The following DDX31 variants were observed in gnomAD, a reference collection of about 807,000 sequenced individuals.
DDX31 encodes the protein DEAD-box helicase 31.
DDX31 carries 70 observed loss-of-function variants against 91.3 expected under a neutral mutation model. That is an observed-to-expected ratio of 0.77 (90% CI 0.63 to 0.94). The LOEUF is 0.94. Among genes scored for constraint, DDX31 ranks in the 40% least tolerant of loss-of-function variants. The probability of loss-of-function intolerance (pLI) is 0.00; values close to 1 mark genes in which losing one functional copy is unlikely to be tolerated. For missense variants in DDX31, 902 were observed against 925.0 expected, an observed-to-expected ratio of 0.98 and a Z score of 0.32; for synonymous variants, 362 against 350.6, an observed-to-expected ratio of 1.03 and a Z score of -0.36.
chr9:132,657,495 C>T, intron 6 of DDX31, among the ~76,000 whole-genome samples: 1 of 152,036 alleles, frequency 6.6e-6, no homozygotes, highest in Admixed American at 6.6e-5. Flanking sequence ...AAGAATTCTA[C>T]CTTCTCCCTC....
chr9:132,633,045 G>A (rs969125771), intron 14 of DDX31, among the ~76,000 whole-genome samples: 2 of 152,168 alleles, frequency 1.3e-5, no homozygotes, highest in African/African-American at 4.8e-5. Flanking sequence ...ACACTGCGCT[G>A]AGACCTTTAC....
chr9:132,641,184 A>C (rs989973934), intron 14 of DDX31, among the ~76,000 whole-genome samples: 2 of 152,242 alleles, frequency 1.3e-5, no homozygotes, highest in African/African-American at 2.4e-5. Flanking sequence ...ATGGAATACA[A>C]GTTCCTTAAA....
At chr9:132,622,937 C>T (rs1832134104) in intron 17 of DDX31, among the ~76,000 whole-genome samples, 2 of 151,696 alleles carry the variant, frequency 1.3e-5, no homozygotes, top group South Asian at 4.2e-4. Context: ...TTGAGGCCAG[C>T]CTGGCCAAGA....
At chr9:132,630,808 G>A (rs1450016592) in intron 15 of DDX31, among the ~76,000 whole-genome samples, 1 of 152,224 alleles carries the variant, frequency 6.6e-6, no homozygotes, top group African/African-American at 2.4e-5. Flanking sequence ...GGTAGACAAG[G>A]CCACAGGGTG....
chr9:132,665,051 G>A (rs1304946364), intron 1 of DDX31, among the ~76,000 whole-genome samples: 2 of 152,060 alleles, frequency 1.3e-5, no homozygotes, highest in Non-Finnish European at 2.9e-5. Context: ...CATAGCATTC[G>A]ACAAAATAAT....
At position 132,594,982 on chromosome 9, in the gene DDX31, G is replaced by C; in HGVS notation, c.2125C>G (p.Arg709Gly). 2 of 1,614,136 alleles carry C rather than the reference G, an allele frequency of 1.2e-6. No individual in the cohort carries two copies. The highest frequency in any genetic ancestry group is 1.7e-6 in the Non-Finnish European group (2 of 1,180,034). ...KQNAPGEPGG[R>G]PLQHSLQPTP... Reference sequence around the variant, plus strand: ...GGCTGCAGACTGTGCTGCAGGGGCCGGCCACCAGGCTCTCCAGGTGCGTTT... The same window carrying C: ...GGCTGCAGACTGTGCTGCAGGGGCCCGCCACCAGGCTCTCCAGGTGCGTTT... The change falls in exon 20 of 20, where the codon CGG (arginine) becomes GGG (glycine). Residue 709 changes from arginine to glycine, a missense_variant. By Grantham distance (125) the Arg-to-Gly change is moderately radical. Transcript: ENST00000372159.
intron 1 of DDX31, among the ~76,000 whole-genome samples, chr9:132,667,712 A>G (rs1835410152): frequency 6.6e-6 from 1 of 152,168 alleles, no homozygotes; most frequent in South Asian, 2.1e-4. Context: ...AAAACTAGGT[A>G]GCCTATATGT....
At chr9:132,664,483 C>T (rs2130858215) in intron 1 of DDX31, among the ~76,000 whole-genome samples, 1 of 152,166 alleles carries the variant, frequency 6.6e-6, no homozygotes, top group East Asian at 1.9e-4. Context: ...CTGAGGTGAG[C>T]TGATTGCTTG....
intron 6 of DDX31, 122 bp downstream of exon 6, chr9:132,658,549 A>G: frequency 2.3e-6 from 2 of 852,702 alleles, no homozygotes; most frequent in Non-Finnish European, 3.8e-6. Flanking sequence ...ATAAATTAAA[A>G]GGAGGTGAAA....
At chr9:132,659,504 C>T (rs555332882) in intron 5 of DDX31, among the ~76,000 whole-genome samples, 13 of 152,270 alleles carry the variant, frequency 8.5e-5, no homozygotes, top group African/African-American at 3.1e-4. Flanking sequence ...TGACTACTTC[C>T]TAATCATTTC....
intron 17 of DDX31, among the ~76,000 whole-genome samples, chr9:132,624,019 T>C (rs1021058036): frequency 2.6e-5 from 4 of 151,720 alleles, no homozygotes; most frequent in Admixed American, 1.3e-4. Context: ...ACGAAAAAAT[T>C]AGCTGGGCGT....
At chr9:132,602,227 G>A (rs1345608418) in intron 19 of DDX31, among the ~76,000 whole-genome samples, 1 of 152,236 alleles carries the variant, frequency 6.6e-6, no homozygotes, top group Non-Finnish European at 1.5e-5. Flanking sequence ...GGGCTGCAAG[G>A]CACTGGGACG....
Position 132,648,324 on chromosome 9 carries a change from T to C in DDX31, c.861-29A>G, listed in dbSNP as rs186926106. 2.6e-3 allele frequency: 4,121 copies of C among 1,603,376 alleles called. 13 individuals carry two copies. The highest frequency in any genetic ancestry group is 3.1e-3 in the Non-Finnish European group (3,647 of 1,175,966). ...TGATTGTAAAAAAAAAAAGAAATTT[T>C]CAACTATATGAAGAGCAGATGTGGT... On this transcript the variant is annotated intron_variant, in intron 10 of 19. Transcript: ENST00000372159.
At chr9:132,669,547 TGC>T (rs1232852003) in intron 1 of DDX31, 1 of 1,430,792 alleles carries the variant, frequency 7.0e-7, no homozygotes, top group Admixed American at 2.1e-5. Flanking sequence ...GCCTGGGACT[TGC>T]GCCGGAACTT....
At chr9:132,610,634 T>A (rs1400586378) in intron 19 of DDX31, among the ~76,000 whole-genome samples, 1 of 143,152 alleles carries the variant, frequency 7.0e-6, no homozygotes, top group African/African-American at 2.4e-5. Context: ...AGTCACCTCA[T>A]CTTTTTTTTT....
At chr9:132,652,927 C>T (rs1348778306) in intron 6 of DDX31, among the ~76,000 whole-genome samples, 4 of 152,082 alleles carry the variant, frequency 2.6e-5, no homozygotes, top group Non-Finnish European at 5.9e-5. Flanking sequence ...CAAATTAAAC[C>T]TCTTTGTCTT....
chr9:132,651,837 G>C (rs1473920260), intron 7 of DDX31, among the ~76,000 whole-genome samples: 1 of 152,144 alleles, frequency 6.6e-6, no homozygotes, highest in African/African-American at 2.4e-5. Flanking sequence ...TTCTGTGCCT[G>C]CTCCTTCATT....
chr9:132,623,986 G>A (rs1017398296), intron 17 of DDX31, among the ~76,000 whole-genome samples: 2 of 152,050 alleles, frequency 1.3e-5, no homozygotes, highest in Non-Finnish European at 2.9e-5. Flanking sequence ...CCAACATGGT[G>A]AAACCCTGTC....
At chr9:132,652,374 A>T in intron 7 of DDX31, 74 bp downstream of exon 7, 1 of 1,585,568 alleles carries the variant, frequency 6.3e-7, no homozygotes. Context: ...AACATGGTAA[A>T]ACCACTTTTA....
Sources: gnomAD v4.1 joint callset for allele counts (sites outside exome capture counted in the v4.1 genomes callset) on GRCh38, gnomAD v4.1.1 for gene constraint, MANE v1.5 for transcripts, NCBI Gene and HGNC (gene_info 2026-07-23, HGNC 2026-07-21) for gene names.